Variants in ZNF35 observed in about 807,000 individuals in gnomAD.
ZNF35 encodes zinc finger protein 35, also known as zinc finger protein 35 (clone HF.10).
A neutral mutation model predicts 45.9 loss-of-function variants in ZNF35; 31 were observed. The observed-to-expected ratio is 0.68, with a 90% CI of 0.51 to 0.91. The LOEUF (loss-of-function observed/expected upper bound fraction) is 0.91, where lower values mean the gene tolerates loss of function less well. Ranked by LOEUF, ZNF35 falls within the 40% of genes least tolerant of loss-of-function variation. The pLI is 0.00. For synonymous variants in ZNF35, 205 were observed against 220.2 expected (o/e 0.93, Z 0.61); for missense variants, 515 against 625.4 (o/e 0.82, Z 1.88).
intron 1 of ZNF35, among the ~76,000 whole-genome samples, chr3:44,650,148 T>G (rs765757152): frequency 1.6e-4 from 25 of 152,130 alleles, no homozygotes; most frequent in Non-Finnish European, 3.1e-4. Flanking sequence ...CTTGATCCTT[T>G]TTCAATGAGA....
At position 44,659,672 on chromosome 3, in the gene ZNF35, C is replaced by T. The variant is rs1311424101; in HGVS notation, c.1309C>T (p.Gln437Ter). 1.9e-6 allele frequency: 3 copies of T among 1,614,080 alleles called. No individual in the cohort carries two copies. The African/African-American group carries it at 4.0e-5, about 22-fold the overall frequency. Residue 437 changes from glutamine to a stop codon, truncating the protein, a stop_gained, in exon 4 of 4, where the codon CAG becomes TAG. Coordinates refer to ENST00000396056, the MANE Select transcript of ZNF35 (RefSeq NM_003420.4). LOFTEE classifies it high-confidence loss of function. This position sits in a 1 kb window ranked among gnomAD's most constrained non-coding sequence, Gnocchi z 4.3. ...TCAGCTCTCTTGCCTTATTGTCCAC[C>T]AGAGAATTCACAGTGGAGATCTTCC... ...FSQLSCLIVH[Q>*]RIHSGDLPYV...
intron 3 of ZNF35, among the ~76,000 whole-genome samples, chr3:44,656,227 GAT>G (rs1342918131): frequency 1.3e-5 from 2 of 151,846 alleles, no homozygotes; most frequent in South Asian, 4.2e-4. Context: ...AGAGGAGAGA[GAT>G]GAAGAGTCAG....
At chr3:44,653,074 G>A (rs1029788600) in intron 3 of ZNF35, among the ~76,000 whole-genome samples, 1 of 152,186 alleles carries the variant, frequency 6.6e-6, no homozygotes, top group Non-Finnish European at 1.5e-5. Flanking sequence ...GAACCACATG[G>A]CCCAGTGGCA....
At chr3:44,652,825 G>A in intron 3 of ZNF35, 124 bp downstream of exon 3, 1 of 1,018,354 alleles carries the variant, frequency 9.8e-7, no homozygotes, top group Non-Finnish European at 1.3e-6. Context: ...AAGTGTCCAG[G>A]AAAGCTGGAA....
intron 1 of ZNF35, among the ~76,000 whole-genome samples, chr3:44,649,101 A>G (rs1703119347): frequency 6.6e-6 from 1 of 152,250 alleles, no homozygotes; most frequent in African/African-American, 2.4e-5. Context: ...ATACGTGGAA[A>G]GAATGGATTG....
At chr3:44,657,731 G>A (rs768075483) in intron 3 of ZNF35, among the ~76,000 whole-genome samples, 4 of 152,176 alleles carry the variant, frequency 2.6e-5, no homozygotes, top group Non-Finnish European at 5.9e-5. Context: ...CCTGACACAA[G>A]GGTAAGAGTT....
chr3:44,646,578 G>A (rs1249988426), upstream of ZNF35: 1 of 988,812 alleles, frequency 1.0e-6, no homozygotes, highest in Non-Finnish European at 1.6e-6. Flanking sequence ...GCATAAGAAA[G>A]CTGCCCTGGA....
intron 3 of ZNF35, among the ~76,000 whole-genome samples, chr3:44,656,061 A>T (rs74615600): frequency 1.3e-5 from 2 of 152,190 alleles, no homozygotes; most frequent in South Asian, 4.1e-4. Flanking sequence ...AAGGGAGGAG[A>T]CGTTGGATGG....
rs1481883637 is a variant in ZNF35, at chr3:44,660,016, G to T, written c.*69G>T. On this transcript the variant is annotated 3_prime_UTR_variant, in exon 4 of 4. Transcript: ENST00000396056. ...TGCCTCCCTAATGAGACACCTCTTT[G>T]CTGTTTTCTTCCTCCTCTATAAAAG... 29 of 1,453,008 alleles carry T rather than the reference G, an allele frequency of 2.0e-5. No individual in the cohort carries two copies. The highest frequency in any genetic ancestry group is 2.6e-5 in the Non-Finnish European group (28 of 1,090,480). 90.0% of individuals were successfully genotyped at this position (1,453,008 alleles called of 1,614,324 possible). A position where few individuals can be genotyped will look rare whatever the true frequency, so the allele number is the denominator to read the frequency against.
chr3:44,658,990 T>C lies in ZNF35; in HGVS notation c.627T>C (p.Ala209=). 1 of 1,614,238 alleles carries C rather than the reference T, an allele frequency of 6.2e-7. No homozygotes were observed. The highest frequency in any genetic ancestry group is 8.5e-7 in the Non-Finnish European group (1 of 1,180,042). The part of the protein sequence containing the change: ...SGGKYSLNSG[A]VKNPKTQLGQ... ...GAAAATATAGCCTTAATTCTGGCGC[T>C]GTTAAAAATCCAAAAACCCAGCTTG... Residue 209 remains alanine (A), a synonymous_variant, in exon 4 of 4, where the codon GCT becomes GCC. Transcript: ENST00000396056.
At chr3:44,646,640 A>C (rs530400924), upstream of ZNF35, 1 of 704,770 alleles carries the variant, frequency 1.4e-6, no homozygotes, top group African/African-American at 1.8e-5. Context: ...AAATTGTTCA[A>C]GCTGTCTTGA....
At chr3:44,650,820 T>C (rs1703188317) in intron 1 of ZNF35, 121 bp from the exon 2 acceptor site, 1 of 408,864 alleles carries the variant, frequency 2.4e-6, no homozygotes, top group Admixed American at 4.0e-5. Context: ...GAGGATTCCA[T>C]GTCCTACATT....
chr3:44,658,300 C>A (rs1486883324), intron 3 of ZNF35, among the ~76,000 whole-genome samples: 1 of 152,196 alleles, frequency 6.6e-6, no homozygotes, highest in Non-Finnish European at 1.5e-5. Flanking sequence ...CAAATCCACA[C>A]TAAGTAGCTA....
intron 1 of ZNF35, among the ~76,000 whole-genome samples, chr3:44,649,434 C>G (rs748380267): frequency 6.6e-6 from 1 of 152,180 alleles, no homozygotes; most frequent in Non-Finnish European, 1.5e-5. Flanking sequence ...ATAGCAGCAA[C>G]AGGGGATTGA....
chr3:44,650,240 T>C (rs1703167603), intron 1 of ZNF35, among the ~76,000 whole-genome samples: 1 of 152,214 alleles, frequency 6.6e-6, no homozygotes, highest in Non-Finnish European at 1.5e-5. Flanking sequence ...TAATCTTTTT[T>C]TAAATCTTAA....
chr3:44,657,251 G>C (rs1050025909), intron 3 of ZNF35, among the ~76,000 whole-genome samples: 1 of 152,044 alleles, frequency 6.6e-6, no homozygotes, highest in African/African-American at 2.4e-5. Flanking sequence ...CCCTCTCATG[G>C]GTGCTAGTCT....
At chr3:44,654,572 G>C (rs961063318) in intron 3 of ZNF35, among the ~76,000 whole-genome samples, 5 of 152,166 alleles carry the variant, frequency 3.3e-5, no homozygotes, top group Non-Finnish European at 7.4e-5. Flanking sequence ...TCTTCATGAT[G>C]AAATTGTATA....
At chr3:44,651,918 A>G (rs536412427) in intron 2 of ZNF35, among the ~76,000 whole-genome samples, 1 of 152,036 alleles carries the variant, frequency 6.6e-6, no homozygotes, top group African/African-American at 2.4e-5. Flanking sequence ...TCAGGTTTTG[A>G]CAATGCTAAC....
chr3:44,646,528 G>C, upstream of ZNF35: 1 of 1,428,180 alleles, frequency 7.0e-7, no homozygotes, highest in Non-Finnish European at 9.9e-7. Context: ...ACAAATAAAA[G>C]ACACCACGAG....
Sources: gnomAD v4.1 joint callset for allele counts (sites outside exome capture counted in the v4.1 genomes callset) on GRCh38, gnomAD v4.1.1 for gene constraint, Gnocchi (gnomAD v3.1) non-coding constraint, MANE v1.5 for transcripts, NCBI Gene and HGNC (gene_info 2026-07-23, HGNC 2026-07-21) for gene names.